Variants in BACE2 observed in about 807,000 individuals in gnomAD.
BACE2 encodes the protein 56 kDa aspartic-like protease.
BACE2 carries 17 observed loss-of-function variants against 46.2 expected under a neutral mutation model. The ratio of observed to expected loss-of-function variants is 0.37; its 90% CI spans 0.25 to 0.55. BACE2 has a LOEUF of 0.55. Ranked by LOEUF, BACE2 falls within the 20% of genes least tolerant of loss-of-function variation. The pLI, the probability that BACE2 is intolerant of heterozygous loss-of-function variation, is 0.82. For synonymous variants in BACE2, 277 were observed against 295.9 expected (o/e 0.94, Z 0.66); for missense variants, 595 against 698.1 (o/e 0.85, Z 1.66).
At chr21:41,209,718 G>A (rs537562914) in intron 1 of BACE2, among the ~76,000 whole-genome samples, 60 of 152,238 alleles carry the variant, frequency 3.9e-4, no homozygotes, top group Middle Eastern at 6.8e-3. Flanking sequence ...GCGAACAAGA[G>A]GTTGAGCTGG....
intron 1 of BACE2, among the ~76,000 whole-genome samples, chr21:41,219,216 A>G (rs1005320845): frequency 6.6e-6 from 1 of 152,198 alleles, no homozygotes; most frequent in Non-Finnish European, 1.5e-5. Context: ...TATCATTCTA[A>G]GTTGCTAAAT....
At chr21:41,233,074 T>A (rs373000639) in intron 2 of BACE2, among the ~76,000 whole-genome samples, 2 of 152,134 alleles carry the variant, frequency 1.3e-5, no homozygotes, top group Non-Finnish European at 2.9e-5. Flanking sequence ...TTCACCGTGT[T>A]AGCCAGGATA....
intron 6 of BACE2, among the ~76,000 whole-genome samples, chr21:41,249,712 A>G (rs1451097393): frequency 2.6e-5 from 4 of 151,984 alleles, no homozygotes; most frequent in African/African-American, 9.7e-5. Flanking sequence ...CCTCCCAGCC[A>G]TGGCTTTTTC....
At position 41,280,345 on chromosome 21, in the gene BACE2, C is replaced by T. The variant is rs941496377; in HGVS notation, c.*4721C>T. Reference sequence around the variant, plus strand: ...TTTCCGCCAGCTCTGCTGAGCCAGCCCAGCCCATGCATTCCGAACATCCGA... The same window carrying T: ...TTTCCGCCAGCTCTGCTGAGCCAGCTCAGCCCATGCATTCCGAACATCCGA... On this transcript the variant is annotated 3_prime_UTR_variant, in exon 9 of 9. Coordinates refer to ENST00000330333, the MANE Select transcript of BACE2 (RefSeq NM_012105.5). 6.6e-6 allele frequency: 1 copy of T among 152,312 alleles called. No individual in the cohort carries two copies. 9.4% of individuals were successfully genotyped at this position (152,312 alleles called of 1,614,324 possible).
intron 3 of BACE2, among the ~76,000 whole-genome samples, chr21:41,238,953 TTA>T (rs1491336691): frequency 2.4e-5 from 1 of 42,390 alleles, no homozygotes; most frequent in African/African-American, 1.0e-4. Context: ...TAAAGTATAA[TTA>T]AAAAAAAAAA....
At chr21:41,216,647 CAGAGGG>C (rs935175146) in intron 1 of BACE2, among the ~76,000 whole-genome samples, 12 of 152,216 alleles carry the variant, frequency 7.9e-5, no homozygotes, top group Non-Finnish European at 1.5e-4. Context: ...GGTGGAGCTT[CAGAGGG>C]AGGGAAGCAG....
intron 1 of BACE2, among the ~76,000 whole-genome samples, chr21:41,208,649 G>A (rs1986205544): frequency 6.6e-6 from 1 of 152,166 alleles, no homozygotes; most frequent in Non-Finnish European, 1.5e-5. Flanking sequence ...GATGCAGGGG[G>A]CAGGATGGCA....
At chr21:41,252,925 G>A (rs1266180561) in intron 7 of BACE2, among the ~76,000 whole-genome samples, 2 of 152,130 alleles carry the variant, frequency 1.3e-5, no homozygotes, top group African/African-American at 2.4e-5. Context: ...GAGATACCAC[G>A]CTCTCAGGAG....
chr21:41,231,126 A>G (rs1251998908), intron 2 of BACE2, among the ~76,000 whole-genome samples: 1 of 152,248 alleles, frequency 6.6e-6, no homozygotes, highest in Non-Finnish European at 1.5e-5. Context: ...TTTCCATTCA[A>G]TGAGGACAGA....
chr21:41,210,006 T>C (rs200764092), intron 1 of BACE2, among the ~76,000 whole-genome samples: 43 of 151,820 alleles, frequency 2.8e-4, no homozygotes, highest in Admixed American at 2.1e-3. Context: ...CCCTTCCCCC[T>C]AACCAACCTA....
At chr21:41,251,001 T>G in intron 7 of BACE2, 100 bp downstream of exon 7, 348 of 1,131,724 alleles carry the variant, frequency 3.1e-4, no homozygotes, top group Non-Finnish European at 3.9e-4. Flanking sequence ...ATTAGATCTC[T>G]ATCACCACAA....
intron 8 of BACE2, among the ~76,000 whole-genome samples, chr21:41,269,999 C>T (rs1027101362): frequency 1.3e-5 from 2 of 152,224 alleles, no homozygotes; most frequent in Admixed American, 1.3e-4. Context: ...TCCTCACCAA[C>T]ATTTGGTATG....
At chr21:41,250,704 G>A in intron 6 of BACE2, 48 bp from the exon 7 acceptor site, 1 of 1,593,932 alleles carries the variant, frequency 6.3e-7, no homozygotes, top group South Asian at 1.1e-5. Context: ...GTTTCCTGTT[G>A]ACGTGCCAGA....
intron 1 of BACE2, among the ~76,000 whole-genome samples, chr21:41,220,209 G>A (rs915331570): frequency 2.0e-5 from 3 of 152,174 alleles, no homozygotes; most frequent in African/African-American, 4.8e-5. Flanking sequence ...CAGAACTTCC[G>A]TGCCCCCCCT....
chr21:41,231,553 G>A (rs914387305), intron 2 of BACE2, among the ~76,000 whole-genome samples: 1 of 152,162 alleles, frequency 6.6e-6, no homozygotes, highest in African/African-American at 2.4e-5. Flanking sequence ...CCAACAGCAG[G>A]TTTCTTTTGA....
rs541886826 is a variant in BACE2, at chr21:41,226,426, G to C, written c.401+72G>C. On this transcript the variant is annotated intron_variant, in intron 2 of 8. Coordinates refer to ENST00000330333, the MANE Select transcript of BACE2 (RefSeq NM_012105.5). The stretch of plus-strand genomic sequence containing the variant: ...GATCAACATGCTTCAAAATGCACCA[G>C]AGCATGACAGCCAGAAAGCTGTTTC... 2.3e-5 allele frequency: 31 copies of C among 1,338,662 alleles called. No individual in the cohort carries two copies. In the African/African-American group the frequency reaches 3.2e-4, roughly 14 times the overall value. 82.9% of individuals were successfully genotyped at this position (1,338,662 alleles called of 1,614,324 possible).
chr21:41,239,028 G>T (rs886790662), intron 3 of BACE2, among the ~76,000 whole-genome samples: 1 of 144,948 alleles, frequency 6.9e-6, no homozygotes, highest in East Asian at 2.2e-4. Flanking sequence ...TGGGTACCAC[G>T]CCCTGGCCTC....
intron 1 of BACE2, among the ~76,000 whole-genome samples, chr21:41,190,754 C>T (rs537693900): frequency 6.6e-6 from 1 of 152,266 alleles, no homozygotes; most frequent in African/African-American, 2.4e-5. Flanking sequence ...CTAAGAGATG[C>T]CCTAATGGAT....
At chr21:41,207,833 G>A (rs1986177214) in intron 1 of BACE2, among the ~76,000 whole-genome samples, 1 of 152,226 alleles carries the variant, frequency 6.6e-6, no homozygotes, top group South Asian at 2.1e-4. Flanking sequence ...GAGGCAGAGT[G>A]AGAATCAGAC....
Sources: allele counts gnomAD v4.1 joint callset (sites outside exome capture counted in the v4.1 genomes callset), GRCh38; gene constraint gnomAD v4.1.1; transcripts MANE v1.5; gene names NCBI Gene and HGNC (gene_info 2026-07-23, HGNC 2026-07-21).